The following PCBD2 variants were observed in gnomAD, a reference collection of about 807,000 sequenced individuals.
The protein encoded by PCBD2 is pterin-4-alpha-carbinolamine dehydratase 2.
In PCBD2, 12 loss-of-function variants were observed where a neutral mutation model predicts 16.4. The ratio of observed to expected loss-of-function variants is 0.73; its 90% CI spans 0.47 to 1.19. PCBD2 has a LOEUF of 1.19. Among genes scored for constraint, PCBD2 ranks in the 50% most tolerant of loss-of-function variants. PCBD2 has a pLI of 0.00. For synonymous variants in PCBD2, 58 were observed against 61.8 expected, an observed-to-expected ratio of 0.94 and a Z score of 0.29; for missense variants, 138 against 156.8, an observed-to-expected ratio of 0.88 and a Z score of 0.64.
chr5:134,960,794 T>C lies in PCBD2; in HGVS notation c.*113T>C. On this transcript the variant is annotated 3_prime_UTR_variant, in exon 4 of 4. Transcript: ENST00000254908. ...TTTTTCTCTTTTTTTTAAGACAGAG[T>C]GTTGCTCTGTCGCCCAGGCCAGAGT... is the stretch of plus-strand genomic sequence containing the variant. The C allele has an allele frequency of 1.1e-6, 1 of 884,738 alleles. No individual in the cohort carries two copies. Among genetic ancestry groups the C allele is most frequent in the African/African-American group, 1.7e-5 (1 of 59,198 alleles). The allele number at this position is 884,738 out of a possible 1,614,324, so 54.8% of individuals were successfully genotyped here. A position where few individuals can be genotyped will look rare whatever the true frequency, so the allele number is the denominator to read the frequency against.
At chr5:134,907,267 C>T (rs545080961) in intron 1 of PCBD2, among the ~76,000 whole-genome samples, 2 of 152,206 alleles carry the variant, frequency 1.3e-5, no homozygotes, top group East Asian at 1.9e-4. Flanking sequence ...TTTTTTGAGA[C>T]GGAGTCTCGC....
chr5:134,923,492 G>T (rs1478566178), intron 2 of PCBD2: 1 of 268,484 alleles, frequency 3.7e-6, no homozygotes, highest in Non-Finnish European at 7.0e-6. Context: ...TGATAATGAA[G>T]GGCAAGATAA....
intron 2 of PCBD2, among the ~76,000 whole-genome samples, chr5:134,912,037 C>T (rs1750774695): frequency 6.6e-6 from 1 of 152,214 alleles, no homozygotes; most frequent in South Asian, 2.1e-4. Flanking sequence ...TCAGGCCCTG[C>T]CTATGATTCA....
intron 2 of PCBD2, among the ~76,000 whole-genome samples, chr5:134,917,908 A>G (rs1750852739): frequency 6.6e-6 from 1 of 152,214 alleles, no homozygotes; most frequent in Admixed American, 6.5e-5. Context: ...TTATTGAGGA[A>G]TTTGATAATA....
rs1445096882 is a variant in PCBD2 at position 134,925,278 on chromosome 5, G to A, written c.216+14812G>A. 4 of 398,474 alleles carry A rather than the reference G, an allele frequency of 1.0e-5. No individual in the cohort carries two copies. In the Admixed American group the frequency reaches 1.8e-4, roughly 18 times the overall value. The allele number at this position is 398,474 out of a possible 1,614,324, so 24.7% of individuals were successfully genotyped here. A position where few individuals can be genotyped will look rare whatever the true frequency, so the allele number is the denominator to read the frequency against. On this transcript the variant is annotated intron_variant, in intron 2 of 3. Coordinates refer to ENST00000254908, the MANE Select transcript of PCBD2 (RefSeq NM_032151.5). ...ATGATATGTTTGCGGTTTCGATGATGTGGTCTTTGGAGTAGAAACCTGTGA... is the reference window on the plus strand; with the variant it reads ...ATGATATGTTTGCGGTTTCGATGATATGGTCTTTGGAGTAGAAACCTGTGA...
At chr5:134,941,365 CT>C (rs1751225603) in intron 2 of PCBD2, among the ~76,000 whole-genome samples, 1 of 152,152 alleles carries the variant, frequency 6.6e-6, no homozygotes, top group African/African-American at 2.4e-5. Flanking sequence ...ATCATATTAT[CT>C]AATGTTTCCA....
rs111871226 is a variant in PCBD2, at chr5:134,923,156, C to G, written c.216+12690C>G. 217 of 152,526 alleles carry G rather than the reference C, an allele frequency of 1.4e-3. 1 individual carries two copies. The Middle Eastern group carries it at 0.024, about 17-fold the overall frequency. 9.4% of individuals were successfully genotyped at this position (152,526 alleles called of 1,614,324 possible). A position where few individuals can be genotyped will look rare whatever the true frequency, so the allele number is the denominator to read the frequency against. On this transcript the variant is annotated intron_variant, in intron 2 of 3. Transcript: ENST00000254908. ...GCTAAGTGACTTGCCCAAGGTCTCA[C>G]AGCTAGTAAGTGTGGAGTCAGGATT... is the stretch of plus-strand genomic sequence containing the variant.
intron 2 of PCBD2, chr5:134,925,624 CAT>C (rs1318536791): frequency 3.3e-5 from 13 of 397,554 alleles, no homozygotes; most frequent in Non-Finnish European, 5.3e-5. Flanking sequence ...AGCGCCTAGG[CAT>C]AGTGTGAGAG....
intron 2 of PCBD2, among the ~76,000 whole-genome samples, chr5:134,917,468 T>C (rs1750847898): frequency 1.3e-5 from 2 of 152,174 alleles, no homozygotes; most frequent in African/African-American, 2.4e-5. Flanking sequence ...GAGTTTCCAA[T>C]GGTGATTCAG....
intron 2 of PCBD2, among the ~76,000 whole-genome samples, chr5:134,955,315 T>G (rs1751402553): frequency 6.7e-6 from 1 of 150,236 alleles, no homozygotes; most frequent in Admixed American, 6.6e-5. Context: ...AATGGTTTTT[T>G]TTTTTTTTTT....
chr5:134,905,174 G>T lies in PCBD2; in HGVS notation c.35G>T (p.Arg12Leu). ...AAVLGALGAT[R>L]RLLAALRGQS... The stretch of plus-strand genomic sequence containing the variant: ...GTGCTCGGGGCGCTCGGGGCGACGC[G>T]GCGCTTGTTGGCGGCGCTGCGAGGC... The change falls in exon 1 of 4, where the codon CGG (arginine) becomes CTG (leucine). Residue 12 changes from arginine (R) to leucine (L), a missense_variant. Coordinates refer to ENST00000254908, the MANE Select transcript of PCBD2 (RefSeq NM_032151.5). The T allele has an allele frequency of 8.2e-7, 1 of 1,223,708 alleles. No homozygotes were observed. The highest frequency in any genetic ancestry group is 1.6e-5 in the African/African-American group (1 of 64,112). 75.8% of individuals were successfully genotyped at this position (1,223,708 alleles called of 1,614,324 possible).
In PCBD2 at chr5:134,920,599, C is replaced by G. The variant is rs528061598; in HGVS notation, c.216+10133C>G. ...ATTAAAATCAATCCTATCAAAACAG[C>G]AAATGCTGCTAATGACTCTGTTTGC... On this transcript the variant is annotated intron_variant, in intron 2 of 3. Coordinates refer to ENST00000254908, the MANE Select transcript of PCBD2 (RefSeq NM_032151.5). 1.6e-4 allele frequency among the ~76,000 whole-genome samples: 25 copies of G among 151,822 alleles called. 1 individual carries two copies. In the South Asian group the frequency reaches 4.8e-3, roughly 29 times the overall value.
intron 2 of PCBD2, among the ~76,000 whole-genome samples, chr5:134,915,134 G>A (rs1054429870): frequency 2.0e-5 from 3 of 152,034 alleles, no homozygotes; most frequent in Non-Finnish European, 4.4e-5. Context: ...GACCAACCTG[G>A]TGAAACCCTG....
At chr5:134,944,640 A>G (rs866595171) in intron 2 of PCBD2, among the ~76,000 whole-genome samples, 2 of 152,120 alleles carry the variant, frequency 1.3e-5, no homozygotes, top group African/African-American at 4.8e-5. Flanking sequence ...TTTGCCATAA[A>G]TGATTTTGAG....
chr5:134,932,920 C>A (rs1193972128), intron 2 of PCBD2, among the ~76,000 whole-genome samples: 2 of 152,174 alleles, frequency 1.3e-5, no homozygotes, highest in African/African-American at 4.8e-5. Context: ...CCACAGAGAT[C>A]CACATCCACC....
chr5:134,947,668 T>A (rs1751313093), intron 2 of PCBD2, among the ~76,000 whole-genome samples: 2 of 151,988 alleles, frequency 1.3e-5, no homozygotes, highest in Admixed American at 6.6e-5. Context: ...ATTACAGATG[T>A]GAGCCACCGC....
chr5:134,951,945 TG>T (rs1423214836), intron 2 of PCBD2, among the ~76,000 whole-genome samples: 1 of 152,162 alleles, frequency 6.6e-6, no homozygotes, highest in African/African-American at 2.4e-5. Flanking sequence ...AAATTTTTTT[TG>T]CCTGTCTTCT....
chr5:134,941,376 A>C (rs962581130), intron 2 of PCBD2, among the ~76,000 whole-genome samples: 1 of 152,152 alleles, frequency 6.6e-6, no homozygotes, highest in Non-Finnish European at 1.5e-5. Context: ...TAATGTTTCC[A>C]CTGGGAGTTG....
At chr5:134,921,601 T>C (rs1750904377) in intron 2 of PCBD2, among the ~76,000 whole-genome samples, 1 of 152,118 alleles carries the variant, frequency 6.6e-6, no homozygotes, top group African/African-American at 2.4e-5. Context: ...CCCACCAGTT[T>C]AGGGTGTCTG....
Sources: allele counts gnomAD v4.1 joint callset (sites outside exome capture counted in the v4.1 genomes callset), GRCh38; gene constraint gnomAD v4.1.1; transcripts MANE v1.5; gene names NCBI Gene and HGNC (gene_info 2026-07-23, HGNC 2026-07-21).